C11orf91: variants seen among roughly 807,000 people sequenced by gnomAD.
The protein encoded by C11orf91 is chromosome 11 open reading frame 91, also known as uncharacterized protein C11orf91.
Under a neutral mutation model 14.3 loss-of-function variants are expected in C11orf91, and 10 were observed. The observed-to-expected ratio is 0.70, with a 90% CI of 0.43 to 1.18. The LOEUF (loss-of-function observed/expected upper bound fraction) is 1.18, where lower values mean the gene tolerates loss of function less well. C11orf91 is among the 50% of genes most tolerant of loss of function. C11orf91 has a pLI of 0.00. For missense variants in C11orf91, 236 were observed against 269.0 expected, an observed-to-expected ratio of 0.88 and a Z score of 0.86; for synonymous variants, 141 against 130.6, an observed-to-expected ratio of 1.08 and a Z score of -0.54.
Position 33,699,749 on chromosome 11 carries a change from C to T in C11orf91, c.496+496G>A, listed in dbSNP as rs372353940. On this transcript the variant is annotated intron_variant, in intron 1 of 1. Transcript: ENST00000379011. ...GAGTGTCCCAAAGCTGCCCTGGAAA[C>T]GGCCTTGGGCCTTGTGGTTCTTGCA... 43 of 403,060 alleles carry T rather than the reference C, an allele frequency of 1.1e-4. No individual in the cohort carries two copies. In the East Asian group the frequency reaches 2.9e-3, roughly 27 times the overall value. The allele number at this position is 403,060 out of a possible 1,614,324, so 25.0% of individuals were successfully genotyped here.
chr11:33,700,680 G>C lies in C11orf91; in HGVS notation c.61C>G (p.Leu21Val). Residue 21 changes from leucine (L) to valine (V), a missense_variant, in exon 1 of 2, where the codon CTC (leucine) becomes GTC (valine). Physicochemically the swap from Leu to Val is conservative, Grantham distance 32 (BLOSUM62 1). Transcript: ENST00000379011. ...CGGTCGTACAGGGACGGGAAATAGA[G>C]GGGCGGAGCCGACCGCTGGCTCATG... ...PTMSQRSAPP[L>V]YFPSLYDRGI... 6.9e-7 allele frequency: 1 copy of C among 1,452,228 alleles called. No individual in the cohort carries two copies. Among genetic ancestry groups the C allele is most frequent in the South Asian group, 1.4e-5 (1 of 73,728 alleles). 90.0% of individuals were successfully genotyped at this position (1,452,228 alleles called of 1,614,324 possible).
upstream of C11orf91, chr11:33,700,847 G>A (rs1853114002): frequency 1.8e-6 from 2 of 1,098,472 alleles, no homozygotes; most frequent in African/African-American, 1.6e-5. Flanking sequence ...CCGATGGAGC[G>A]CGGCCCCACC....
At chr11:33,700,139 G>A (rs1853096033) in intron 1 of C11orf91, 106 bp downstream of exon 1, 2 of 1,256,744 alleles carry the variant, frequency 1.6e-6, no homozygotes, top group Non-Finnish European at 2.1e-6. Context: ...TGGGACTACT[G>A]GGGGCTGGAG....
rs1306814791 is a variant in C11orf91, at chr11:33,698,298, G to A, written c.*131C>T. 3 of 653,958 alleles carry A rather than the reference G, an allele frequency of 4.6e-6. No individual in the cohort carries two copies. The highest frequency in any genetic ancestry group is 2.7e-5 in the East Asian group (1 of 36,522). The allele number at this position is 653,958 out of a possible 1,614,324, so 40.5% of individuals were successfully genotyped here. The stretch of plus-strand genomic sequence containing the variant: ...AGTGGGCACTGTATGTGAAGTACAT[G>A]CTGGTAGCAACAAGAACAGCGGTAA... On this transcript the variant is annotated 3_prime_UTR_variant, in exon 2 of 2. Coordinates refer to ENST00000379011, the MANE Select transcript of C11orf91 (RefSeq NM_001166692.2).
At chr11:33,705,460 T>C (rs1853272550), upstream of C11orf91, 1 of 152,254 alleles carries the variant, frequency 6.6e-6, no homozygotes, top group African/African-American at 2.4e-5. Context: ...TCTACCTTGT[T>C]TGCTGAGTCT....
At chr11:33,702,691 GT>G (rs1332918922), upstream of C11orf91, 1 of 350,514 alleles carries the variant, frequency 2.9e-6, no homozygotes, top group Admixed American at 3.8e-5. Flanking sequence ...TTTGTCTTCT[GT>G]TAATCTGTCT....
chr11:33,698,520 G>T lies in C11orf91; in HGVS notation c.497-6C>A. ...TAGCGCCTTCAGGAATGTGTCTGCA[G>T]GAGAGCAAAACAAACTTAGCCGTAA... On this transcript the variant is annotated splice_region_variant and splice_polypyrimidine_tract_variant and intron_variant, in intron 1 of 1. Coordinates refer to ENST00000379011, the MANE Select transcript of C11orf91 (RefSeq NM_001166692.2). 6.5e-7 allele frequency: 1 copy of T among 1,535,282 alleles called. No individual in the cohort carries two copies. The highest frequency in any genetic ancestry group is 8.7e-7 in the Non-Finnish European group (1 of 1,144,976).
chr11:33,703,917 C>G (rs529309614), upstream of C11orf91: 1 of 152,374 alleles, frequency 6.6e-6, no homozygotes, highest in East Asian at 1.9e-4. Flanking sequence ...ATTGCCACAG[C>G]CCTCTCCAGC....
chr11:33,700,153 A>T, intron 1 of C11orf91, 92 bp downstream of exon 1: 2 of 1,386,768 alleles, frequency 1.4e-6, no homozygotes, highest in Non-Finnish European at 9.6e-7. Context: ...GCTGGAGTCA[A>T]ACCAGGCTAC....
chr11:33,705,947 TA>T, the C11orf91 span: 1 of 152,094 alleles, frequency 6.6e-6, no homozygotes, highest in Non-Finnish European at 1.5e-5. Flanking sequence ...ACTGATCATA[TA>T]TAGGATCAGC....
At chr11:33,704,097 G>A (rs1025119245), upstream of C11orf91, 1 of 152,176 alleles carries the variant, frequency 6.6e-6, no homozygotes, top group African/African-American at 2.4e-5. Context: ...TCCTGACCAG[G>A]TGCTCAGCCT....
chr11:33,701,476 G>GCTAA (rs1275723870), upstream of C11orf91, among the ~76,000 whole-genome samples: 4 of 152,342 alleles, frequency 2.6e-5, no homozygotes, highest in African/African-American at 9.6e-5. Context: ...CAGGCAACGA[G>GCTAA]CTAACCACCA....
At chr11:33,701,019 G>C (rs369021636), upstream of C11orf91, among the ~76,000 whole-genome samples, 2 of 152,172 alleles carry the variant, frequency 1.3e-5, no homozygotes, top group African/African-American at 2.4e-5. Flanking sequence ...TCCGCCCACC[G>C]CCTCGCTCTT....
Position 33,700,539 on chromosome 11 carries a change from C to A in C11orf91, c.202G>T (p.Ala68Ser). Residue 68 changes from alanine (A) to serine (S), a missense_variant, in exon 1 of 2, where the codon GCG becomes TCG. By Grantham distance (99) the Ala-to-Ser change is moderately conservative. Transcript: ENST00000379011. ...GGCGGGGGCGCCGGGGCGGGGAGCG[C>A]CTGGGACAGGGACCGGGCCCCCGCC... ...GAAGARSLSQALPAPAPPPPP... is the reference protein window; with the variant it reads ...GAAGARSLSQSLPAPAPPPPP... The A allele has an allele frequency of 7.1e-7, 1 of 1,399,594 alleles. No individual in the cohort carries two copies. The highest frequency in any genetic ancestry group is 1.5e-5 in the African/African-American group (1 of 66,470). The allele number at this position is 1,399,594 out of a possible 1,614,324, so 86.7% of individuals were successfully genotyped here.
rs759562595 is a variant in C11orf91 at position 33,700,200 on chromosome 11, G to C, written c.496+45C>G. ...GGGCACGGAGCCAAGGAGGGAGCTA[G>C]GGCAGGCTAAGGCTGGGCTCGGTGG... On this transcript the variant is annotated intron_variant, in intron 1 of 1. Transcript: ENST00000379011. The C allele has an allele frequency of 3.3e-6, 5 of 1,509,734 alleles. No homozygotes were observed. The South Asian group carries it at 3.7e-5, about 11-fold the overall frequency. The allele number at this position is 1,509,734 out of a possible 1,614,324, so 93.5% of individuals were successfully genotyped here. A position where few individuals can be genotyped will look rare whatever the true frequency, so the allele number is the denominator to read the frequency against.
upstream of C11orf91, chr11:33,704,538 A>G (rs1002135019): frequency 1.3e-5 from 2 of 152,152 alleles, no homozygotes; most frequent in African/African-American, 4.8e-5. Context: ...ACATAATGAT[A>G]AACACACACA....
upstream of C11orf91, among the ~76,000 whole-genome samples, chr11:33,702,279 TTC>T (rs1197409282): frequency 2.6e-5 from 4 of 152,068 alleles, no homozygotes; most frequent in African/African-American, 9.7e-5. Flanking sequence ...CATAGCGAGA[TTC>T]TGTCTCTATA....
chr11:33,701,754 A>AGTGTGTGTGTGTGTGTGTGTGTGTGT (rs35903408), upstream of C11orf91, among the ~76,000 whole-genome samples: 7 of 148,926 alleles, frequency 4.7e-5, no homozygotes, highest in African/African-American at 1.7e-4. Flanking sequence ...CACAGTGCAA[A>AGTGTGTGTGTGTGTGTGTGTGTGTGT]GTGTGTGTGT....
At chr11:33,704,097 G>C (rs1025119245), upstream of C11orf91, 1 of 152,176 alleles carries the variant, frequency 6.6e-6, no homozygotes, top group Non-Finnish European at 1.5e-5. Context: ...TCCTGACCAG[G>C]TGCTCAGCCT....
Sources: allele counts gnomAD v4.1 joint callset (sites outside exome capture counted in the v4.1 genomes callset), GRCh38; gene constraint gnomAD v4.1.1; transcripts MANE v1.5; gene names NCBI Gene and HGNC (gene_info 2026-07-23, HGNC 2026-07-21).